The following PGR variants were observed in gnomAD, a reference collection of about 807,000 sequenced individuals.
PGR encodes the protein progesterone receptor.
In PGR, 25 loss-of-function variants were observed where a neutral mutation model predicts 76.1. The ratio of observed to expected loss-of-function variants is 0.33; its 90% CI spans 0.24 to 0.46. PGR has a LOEUF of 0.46. PGR is among the 20% of genes least tolerant of loss of function. PGR has a pLI of 1.00. For synonymous variants in PGR, 579 were observed against 535.0 expected, an observed-to-expected ratio of 1.08 and a Z score of -1.14; for missense variants, 1,172 against 1,225.3, an observed-to-expected ratio of 0.96 and a Z score of 0.65.
intron 2 of PGR, among the ~76,000 whole-genome samples, chr11:101,105,802 G>C (rs1168208209): frequency 2.0e-5 from 3 of 152,092 alleles, no homozygotes; most frequent in Non-Finnish European, 4.4e-5. Context: ...AAAGCTGGAG[G>C]CATCACACTA....
In PGR at chr11:101,037,572, T is replaced by G. The variant is rs566160308; in HGVS notation, c.*1544A>C. 4.4e-6 allele frequency: 1 copy of G among 228,346 alleles called. No individual in the cohort carries two copies. Among genetic ancestry groups the G allele is most frequent in the South Asian group, 1.8e-4 (1 of 5,484 alleles). The allele number at this position is 228,346 out of a possible 1,614,324, so 14.1% of individuals were successfully genotyped here. A position where few individuals can be genotyped will look rare whatever the true frequency, so the allele number is the denominator to read the frequency against. On this transcript the variant is annotated 3_prime_UTR_variant, in exon 8 of 8. Transcript: ENST00000325455. The stretch of plus-strand genomic sequence containing the variant: ...GAAATAATATTCCATTCATTCAGTT[T>G]AAAAACTTAGAACAAGGAATCTAAA...
Position 101,113,956 on chromosome 11 carries a change from C to G in PGR, c.1789+12051G>C, listed in dbSNP as rs1170198725. Among the ~76,000 whole-genome samples, 7 of 152,222 alleles carry G rather than the reference C, an allele frequency of 4.6e-5. No homozygotes were observed. In the East Asian group the frequency reaches 7.7e-4, roughly 17 times the overall value. ...GTTCTTCATACTTTCATCCGCCCCC[C>G]CATCCAAAGTGGCCTCTGGATGGGC... On this transcript the variant is annotated intron_variant, in intron 2 of 7. Coordinates refer to ENST00000325455, the MANE Select transcript of PGR (RefSeq NM_000926.4).
intron 2 of PGR, among the ~76,000 whole-genome samples, chr11:101,106,696 C>T (rs1862173306): frequency 6.6e-6 from 1 of 152,056 alleles, no homozygotes; most frequent in African/African-American, 2.4e-5. Context: ...ACCATTTGAC[C>T]CAGCAATCCC....
intron 2 of PGR, among the ~76,000 whole-genome samples, chr11:101,122,691 C>T (rs1862716510): frequency 6.6e-6 from 1 of 152,170 alleles, no homozygotes; most frequent in Non-Finnish European, 1.5e-5. Context: ...TCCTTTCTCC[C>T]ATTTCCTGAG....
Position 101,064,190 on chromosome 11 carries a change from G to A in PGR, c.1907-1438C>T, listed in dbSNP as rs562443708. The stretch of plus-strand genomic sequence containing the variant: ...TACTAAAAATACAAAAATTAGCTGG[G>A]TGTGGTGGTGGGCACCTGTAATCCC... On this transcript the variant is annotated intron_variant, in intron 3 of 7. Transcript: ENST00000325455. Among the ~76,000 whole-genome samples, 6 of 151,524 alleles carry A rather than the reference G, an allele frequency of 4.0e-5. No homozygotes were observed. The East Asian group carries it at 9.7e-4, about 24-fold the overall frequency.
At chr11:101,112,543 T>C (rs541914306) in intron 2 of PGR, among the ~76,000 whole-genome samples, 1 of 152,204 alleles carries the variant, frequency 6.6e-6, no homozygotes, top group African/African-American at 2.4e-5. Flanking sequence ...AAAGTTTTTT[T>C]CCGAAAATTA....
At chr11:101,083,842 G>T (rs139854085) in intron 3 of PGR, among the ~76,000 whole-genome samples, 1 of 152,242 alleles carries the variant, frequency 6.6e-6, no homozygotes, top group Admixed American at 6.5e-5. Context: ...TGTCTCAGAC[G>T]AGACTTTGGT....
At chr11:101,075,525 G>A (rs1861091207) in intron 3 of PGR, among the ~76,000 whole-genome samples, 1 of 149,978 alleles carries the variant, frequency 6.7e-6, no homozygotes, top group Non-Finnish European at 1.5e-5. Context: ...TCATCAGAGT[G>A]AACAGGCAAC....
In PGR at chr11:101,127,943, G is replaced by C. The variant is rs913472015; in HGVS notation, c.1128C>G (p.Leu376=). 8 of 1,611,816 alleles carry C rather than the reference G, an allele frequency of 5.0e-6. No individual in the cohort carries two copies. The highest frequency in any genetic ancestry group is 4.0e-5 in the African/African-American group (3 of 74,828). Reference sequence around the variant, plus strand: ...GAGCGGGCGGCTGGAAGTCGCTATAGAGAGGGTACGCGTCGTCCTTGGGCT... The same window carrying C: ...GAGCGGGCGGCTGGAAGTCGCTATACAGAGGGTACGCGTCGTCCTTGGGCT... ...DAEPKDDAYP[L]YSDFQPPALK... Residue 376 remains leucine (L), a synonymous_variant, in exon 1 of 8, where the codon CTC becomes CTG. Transcript: ENST00000325455.
At chr11:101,123,805 C>T (rs1365513458) in intron 2 of PGR, among the ~76,000 whole-genome samples, 4 of 152,218 alleles carry the variant, frequency 2.6e-5, no homozygotes, top group African/African-American at 9.6e-5. Flanking sequence ...GAATTGCTTA[C>T]TTGGGCATTT....
rs535706006 is a variant in PGR at position 101,105,811 on chromosome 11, T to C, written c.1790-13935A>G. Among the ~76,000 whole-genome samples, 114 of 152,288 alleles carry C rather than the reference T, an allele frequency of 7.5e-4. 2 individuals are homozygous for C. The highest frequency in any genetic ancestry group is 2.6e-3 in the African/African-American group (110 of 41,560). On this transcript the variant is annotated intron_variant, in intron 2 of 7. Coordinates refer to ENST00000325455, the MANE Select transcript of PGR (RefSeq NM_000926.4). ...AAGAACAAAGCTGGAGGCATCACAC[T>C]ACCTGACTTCAAACTATACTACAAG... is the stretch of plus-strand genomic sequence containing the variant.
In PGR at chr11:101,128,081, G is replaced by C; in HGVS notation, c.990C>G (p.Asp330Glu). ...TRQLLEDESY[D>E]GGAGAASAFA... ...AGGCGCTGGCAGCCCCGGCCCCGCCGTCGTAACTTTCGTCTTCCAGCAGCT... is the reference window on the plus strand; with the variant it reads ...AGGCGCTGGCAGCCCCGGCCCCGCCCTCGTAACTTTCGTCTTCCAGCAGCT... Residue 330 changes from aspartate to glutamate, a missense_variant, in exon 1 of 8, where the codon GAC becomes GAG. By Grantham distance (45) the Asp-to-Glu change is conservative. This residue lies in a region of PGR where 893 missense variants were observed against 785.9 expected (regional missense o/e 1.14). Coordinates refer to ENST00000325455, the MANE Select transcript of PGR (RefSeq NM_000926.4). The C allele has an allele frequency of 6.2e-7, 1 of 1,600,364 alleles. No homozygotes were observed. Among genetic ancestry groups the C allele is most frequent in the Non-Finnish European group, 8.5e-7 (1 of 1,179,512 alleles).
chr11:101,103,186 A>G (rs895291152), intron 2 of PGR, among the ~76,000 whole-genome samples: 3 of 152,070 alleles, frequency 2.0e-5, no homozygotes, highest in African/African-American at 7.2e-5. Context: ...GAAAGTCAGT[A>G]TGGTATGACC....
At position 101,037,090 on chromosome 11, in the gene PGR, T is replaced by C. The variant is rs1347011611; in HGVS notation, c.*2026A>G. On this transcript the variant is annotated 3_prime_UTR_variant, in exon 8 of 8. Transcript: ENST00000325455. Reference sequence around the variant, plus strand: ...TATTATATTTGGGAGATGTTAAAAATACTTTTTTCTTGGGATGACATTTGT... The same window carrying C: ...TATTATATTTGGGAGATGTTAAAAACACTTTTTTCTTGGGATGACATTTGT... 5.2e-6 allele frequency: 1 copy of C among 193,904 alleles called. No individual in the cohort carries two copies. The highest frequency in any genetic ancestry group is 1.1e-5 in the Non-Finnish European group (1 of 92,954). The allele number at this position is 193,904 out of a possible 1,614,324, so 12.0% of individuals were successfully genotyped here. A position where few individuals can be genotyped will look rare whatever the true frequency, so the allele number is the denominator to read the frequency against.
intron 3 of PGR, 149 bp from the exon 4 acceptor site, chr11:101,062,901 T>A: frequency 3.5e-6 from 2 of 579,030 alleles, no homozygotes; most frequent in Non-Finnish European, 5.9e-6. Context: ...GATATTAAAA[T>A]TACAAAAAAT....
intron 3 of PGR, among the ~76,000 whole-genome samples, chr11:101,076,783 T>C (rs991873643): frequency 6.6e-6 from 1 of 151,744 alleles, no homozygotes; most frequent in Non-Finnish European, 1.5e-5. Flanking sequence ...TAAACTTCTT[T>C]AGCATGTTTT....
Position 101,064,331 on chromosome 11 carries a change from CAAAAAAAAAAAAAAAAAAAAAAAAAAA to C in PGR, c.1907-1606_1907-1580del, listed in dbSNP as rs10556132. 9.4e-4 allele frequency among the ~76,000 whole-genome samples: 37 copies of C among 39,448 alleles called. 2 individuals are homozygous for C. The highest frequency in any genetic ancestry group is 4.7e-3 in the African/African-American group (34 of 7,236). The allele number at this position is 39,448 out of a possible 152,430, so 25.9% of individuals were successfully genotyped here. A position where few individuals can be genotyped will look rare whatever the true frequency, so the allele number is the denominator to read the frequency against. Reference sequence around the variant, plus strand: ...AGGTGACAAGGGAGAAACTCCACCTCAAAAAAAAAAAAAAAAAAAAAAAAAAAAAAAAAAAAAAAACAGCCCCAACGA... The same window carrying C: ...AGGTGACAAGGGAGAAACTCCACCTCAAAAAAAAAAAAACAGCCCCAACGA... On this transcript the variant is annotated intron_variant, in intron 3 of 7. Transcript: ENST00000325455.
At position 101,039,029 on chromosome 11, in the gene PGR, C is replaced by A; in HGVS notation, c.*87G>T. ...TATAAATGTAAGGCTTTCAGAAGAA[C>A]ATTATAAAAACTCAAGACCTCATAA... On this transcript the variant is annotated 3_prime_UTR_variant, in exon 8 of 8. Coordinates refer to ENST00000325455, the MANE Select transcript of PGR (RefSeq NM_000926.4). 1 of 961,696 alleles carries A rather than the reference C, an allele frequency of 1.0e-6. No individual in the cohort carries two copies. Among genetic ancestry groups the A allele is most frequent in the Admixed American group, 2.0e-5 (1 of 51,124 alleles). 59.6% of individuals were successfully genotyped at this position (961,696 alleles called of 1,614,324 possible). A position where few individuals can be genotyped will look rare whatever the true frequency, so the allele number is the denominator to read the frequency against.
At position 101,091,645 on chromosome 11, in the gene PGR, TAATC is replaced by T. The variant is rs1861677471; in HGVS notation, c.1906+111_1906+114del. The stretch of plus-strand genomic sequence containing the variant: ...CTCACATGTGCAGAGTCACTGCCAA[TAATC>T]AAGACAGAAAAAACAAAAACAAAGA... On this transcript the variant is annotated intron_variant, in intron 3 of 7. Coordinates refer to ENST00000325455, the MANE Select transcript of PGR (RefSeq NM_000926.4). 7 of 715,978 alleles carry T rather than the reference TAATC, an allele frequency of 9.8e-6. No homozygotes were observed. In the South Asian group the frequency reaches 1.0e-4, roughly 11 times the overall value. The allele number at this position is 715,978 out of a possible 1,614,324, so 44.4% of individuals were successfully genotyped here. A position where few individuals can be genotyped will look rare whatever the true frequency, so the allele number is the denominator to read the frequency against.
Sources: allele counts gnomAD v4.1 joint callset (sites outside exome capture counted in the v4.1 genomes callset), GRCh38; gene constraint gnomAD v4.1.1; regional missense constraint gnomAD v4.1.1; transcripts MANE v1.5; gene names NCBI Gene and HGNC (gene_info 2026-07-23, HGNC 2026-07-21).